Variants in ROBO1 observed in about 807,000 individuals in gnomAD.
The protein encoded by ROBO1 is roundabout guidance receptor 1.
A neutral mutation model predicts 195.9 loss-of-function variants in ROBO1; 149 were observed. The ratio of observed to expected loss-of-function variants is 0.76; its 90% CI spans 0.67 to 0.87. The LOEUF is 0.87. ROBO1 is among the 40% of genes least tolerant of loss of function. The pLI is 0.00. For synonymous variants in ROBO1, 816 were observed against 733.2 expected (o/e 1.11, Z -1.82); for missense variants, 1,933 against 2,068.3 (o/e 0.93, Z 1.27).
At chr3:78,979,467 C>T (rs1294663516) in intron 3 of ROBO1, among the ~76,000 whole-genome samples, 2 of 152,110 alleles carry the variant, frequency 1.3e-5, no homozygotes, top group Non-Finnish European at 2.9e-5. Flanking sequence ...TTTAAGGAAA[C>T]TGTTAAAAGA....
At chr3:79,510,773 C>G (rs1289197854) in intron 2 of ROBO1, among the ~76,000 whole-genome samples, 1 of 152,060 alleles carries the variant, frequency 6.6e-6, no homozygotes, top group Admixed American at 6.6e-5. Context: ...TGGCTCAATA[C>G]AAAGATTCCA....
chr3:78,603,737 A>G (rs1223474121), intron 29 of ROBO1, among the ~76,000 whole-genome samples: 1 of 152,156 alleles, frequency 6.6e-6, no homozygotes, highest in Non-Finnish European at 1.5e-5. Flanking sequence ...AGCAATGCAT[A>G]AAAATGATCA....
At chr3:79,762,593 G>T (rs2107526820) in intron 1 of ROBO1, among the ~76,000 whole-genome samples, 1 of 108,464 alleles carries the variant, frequency 9.2e-6, no homozygotes. Context: ...AACCATTTGG[G>T]GCAGAATTCT....
intron 1 of ROBO1, among the ~76,000 whole-genome samples, chr3:79,597,827 C>A (rs1240973039): frequency 2.0e-5 from 3 of 152,008 alleles, no homozygotes; most frequent in Admixed American, 2.0e-4. Flanking sequence ...AAGGCAAAGA[C>A]ACATCTTGAA....
chr3:79,451,288 G>A (rs1381124950), intron 2 of ROBO1, among the ~76,000 whole-genome samples: 1 of 152,012 alleles, frequency 6.6e-6, no homozygotes, highest in Non-Finnish European at 1.5e-5. Context: ...CTTGACTTAG[G>A]GAGATGAAGC....
At chr3:79,343,836 G>A (rs1253261210) in intron 2 of ROBO1, among the ~76,000 whole-genome samples, 1 of 152,056 alleles carries the variant, frequency 6.6e-6, no homozygotes, top group Non-Finnish European at 1.5e-5. Context: ...AAAAAGGAGA[G>A]GAGGGTTTTG....
intron 2 of ROBO1, among the ~76,000 whole-genome samples, chr3:79,306,461 CTATCTT>C (rs2033222956): frequency 6.6e-6 from 1 of 152,304 alleles, no homozygotes; most frequent in Admixed American, 6.5e-5. Flanking sequence ...GGCGCTCTCT[CTATCTT>C]TATTTGTGAT....
intron 1 of ROBO1, among the ~76,000 whole-genome samples, chr3:79,592,168 C>T (rs1239648500): frequency 2.6e-5 from 4 of 151,762 alleles, no homozygotes; most frequent in African/African-American, 9.7e-5. Context: ...TTATTTGTAG[C>T]AGGCAGCTAT....
chr3:78,830,012 G>A (rs1393507163), intron 4 of ROBO1, among the ~76,000 whole-genome samples: 2 of 152,112 alleles, frequency 1.3e-5, no homozygotes, highest in Non-Finnish European at 2.9e-5. Context: ...GCCGTAATAG[G>A]TGTGGTGTGG....
In ROBO1 at chr3:79,300,233, G is replaced by A. The variant is rs564736424; in HGVS notation, c.89-174694C>T. ...GAGGTGTGGGGGGAGAGGCGTGAGC[G>A]GGAACTGCGGCTGCGCTCGGCGCTT... is the stretch of plus-strand genomic sequence containing the variant. On this transcript the variant is annotated intron_variant, in intron 2 of 30. Coordinates refer to ENST00000464233, the MANE Select transcript of ROBO1 (RefSeq NM_002941.4). Among the ~76,000 whole-genome samples, 5 of 152,290 alleles carry A rather than the reference G, an allele frequency of 3.3e-5. 1 individual carries two copies. The highest frequency in any genetic ancestry group is 9.6e-5 in the African/African-American group (4 of 41,574).
At chr3:79,205,564 T>A (rs1219589843) in intron 2 of ROBO1, among the ~76,000 whole-genome samples, 3 of 152,196 alleles carry the variant, frequency 2.0e-5, no homozygotes, top group Non-Finnish European at 4.4e-5. Flanking sequence ...TTTTTCTGGT[T>A]ATAGCCCTAA....
chr3:79,159,428 T>A (rs540744365), intron 2 of ROBO1, among the ~76,000 whole-genome samples: 1 of 152,122 alleles, frequency 6.6e-6, no homozygotes, highest in African/African-American at 2.4e-5. Context: ...ATTACCCAGG[T>A]TTGATTGTGC....
At chr3:79,304,289 A>G (rs922819770) in intron 2 of ROBO1, among the ~76,000 whole-genome samples, 2 of 152,212 alleles carry the variant, frequency 1.3e-5, no homozygotes, top group Non-Finnish European at 2.9e-5. Context: ...AATGAGTAAT[A>G]AAAGTATGCA....
chr3:78,872,310 GA>G (rs1053504585), intron 4 of ROBO1, among the ~76,000 whole-genome samples: 2 of 152,196 alleles, frequency 1.3e-5, no homozygotes, highest in Non-Finnish European at 2.9e-5. Context: ...AACCTTCCCA[GA>G]ACTGCCTGCG....
chr3:78,700,339 G>A lies in ROBO1; in HGVS notation c.1046-11567C>T, dbSNP rs368499853. Among the ~76,000 whole-genome samples, 24 of 152,256 alleles carry A rather than the reference G, an allele frequency of 1.6e-4. No homozygotes were observed. The East Asian group carries it at 2.5e-3, about 16-fold the overall frequency. Reference sequence around the variant, plus strand: ...CTGTACATCCTTCATAGTACCCAGCGTACTGTTTTGTACATAGAAAGTGCT... The same window carrying A: ...CTGTACATCCTTCATAGTACCCAGCATACTGTTTTGTACATAGAAAGTGCT... On this transcript the variant is annotated intron_variant, in intron 8 of 30. Transcript: ENST00000464233.
At chr3:79,711,938 A>C (rs1576268069) in intron 1 of ROBO1, among the ~76,000 whole-genome samples, 1 of 147,536 alleles carries the variant, frequency 6.8e-6, no homozygotes, top group African/African-American at 2.6e-5. Context: ...TGGGTGGGGG[A>C]GCACTATGAA....
intron 2 of ROBO1, among the ~76,000 whole-genome samples, chr3:79,404,858 T>A (rs1189115774): frequency 6.6e-6 from 1 of 152,158 alleles, no homozygotes; most frequent in Non-Finnish European, 1.5e-5. Flanking sequence ...CTGGAATGTA[T>A]CTTATTTTAC....
At chr3:79,453,139 C>A (rs1187839208) in intron 2 of ROBO1, among the ~76,000 whole-genome samples, 1 of 151,922 alleles carries the variant, frequency 6.6e-6, no homozygotes, top group Non-Finnish European at 1.5e-5. Flanking sequence ...CTGTGCCCAT[C>A]TCCCAAGCAG....
chr3:79,485,119 C>T (rs1387779147), intron 2 of ROBO1, among the ~76,000 whole-genome samples: 1 of 152,004 alleles, frequency 6.6e-6, no homozygotes. Context: ...ATTAATTGTA[C>T]TAATCTTACT....
Sources: allele counts gnomAD v4.1 joint callset (sites outside exome capture counted in the v4.1 genomes callset), GRCh38; gene constraint gnomAD v4.1.1; transcripts MANE v1.5; gene names NCBI Gene and HGNC (gene_info 2026-07-23, HGNC 2026-07-21).